TCF12: variants seen among roughly 807,000 people sequenced by gnomAD.
TCF12 encodes DNA-binding protein HTF4.
TCF12 carries 45 observed loss-of-function variants against 86.0 expected under a neutral mutation model. The ratio of observed to expected loss-of-function variants is 0.52; its 90% CI spans 0.41 to 0.67. The LOEUF (loss-of-function observed/expected upper bound fraction) is 0.67. Among genes scored for constraint, TCF12 ranks in the 30% least tolerant of loss-of-function variants. TCF12 has a pLI of 0.00. For missense variants in TCF12, 881 were observed against 859.9 expected (o/e 1.02, Z -0.31); for synonymous variants, 330 against 299.6 (o/e 1.10, Z -1.05).
rs185841227 is a variant in TCF12 at position 57,244,759 on chromosome 15, C to T, written c.1114+1209C>T. Among the ~76,000 whole-genome samples, 47 of 152,100 alleles carry T rather than the reference C, an allele frequency of 3.1e-4. 1 individual carries two copies. Among genetic ancestry groups the T allele is most frequent in the Admixed American group, 1.1e-3 (17 of 15,278 alleles). ...GATTACAGGCGTGACCCACTGCGCC[C>T]GGCCCACATGTTTTTTTTTTCTTAA... On this transcript the variant is annotated intron_variant, in intron 13 of 20. Coordinates refer to ENST00000333725, the MANE Select transcript of TCF12 (RefSeq NM_207037.2).
intron 3 of TCF12, among the ~76,000 whole-genome samples, chr15:57,062,297 A>C (rs912851062): frequency 1.3e-5 from 2 of 152,014 alleles, no homozygotes; most frequent in Non-Finnish European, 2.9e-5. Context: ...AACTCATAGA[A>C]TATCTCTTAA....
chr15:57,073,709 G>A (rs2069615401), intron 4 of TCF12, among the ~76,000 whole-genome samples: 1 of 152,084 alleles, frequency 6.6e-6, no homozygotes, highest in African/African-American at 2.4e-5. Flanking sequence ...ATTTCTACTT[G>A]TGCAGGACTT....
chr15:56,975,637 T>TTTTTG (rs1555462794), intron 3 of TCF12, among the ~76,000 whole-genome samples: 53 of 151,710 alleles, frequency 3.5e-4, no homozygotes, highest in African/African-American at 1.3e-3. Context: ...TAGGGGTTTT[T>TTTTTG]TTTGTTTGTT....
rs1236322985 is a variant in TCF12 at position 57,288,033 on chromosome 15, T to C, written c.*1888T>C. 6.6e-6 allele frequency: 1 copy of C among 152,646 alleles called. No homozygotes were observed. The highest frequency in any genetic ancestry group is 1.5e-5 in the Non-Finnish European group (1 of 68,038). The allele number at this position is 152,646 out of a possible 1,614,324, so 9.5% of individuals were successfully genotyped here. On this transcript the variant is annotated 3_prime_UTR_variant, in exon 21 of 21. Transcript: ENST00000333725. ...TCATAAAATAGAAAGAAAAAAACATTTGGCTTATTTTTCACTGTAGCTAGT... is the reference window on the plus strand; with the variant it reads ...TCATAAAATAGAAAGAAAAAAACATCTGGCTTATTTTTCACTGTAGCTAGT...
At chr15:56,932,156 T>C (rs867273583) in intron 3 of TCF12, among the ~76,000 whole-genome samples, 3 of 152,158 alleles carry the variant, frequency 2.0e-5, no homozygotes, top group African/African-American at 7.2e-5. Context: ...CACTGAATGA[T>C]TGGGAGAAGG....
intron 3 of TCF12, among the ~76,000 whole-genome samples, chr15:56,976,820 G>A (rs1379052546): frequency 6.6e-6 from 1 of 152,160 alleles, no homozygotes; most frequent in African/African-American, 2.4e-5. Flanking sequence ...CAACTTTGCT[G>A]TTAGTAGCAA....
chr15:56,923,244 T>C (rs1269002935), intron 3 of TCF12, among the ~76,000 whole-genome samples: 2 of 152,108 alleles, frequency 1.3e-5, no homozygotes, highest in African/African-American at 4.8e-5. Flanking sequence ...CGATATATAA[T>C]ACTTTCAGAA....
intron 4 of TCF12, among the ~76,000 whole-genome samples, chr15:57,084,842 T>C (rs1421984387): frequency 6.6e-6 from 1 of 152,108 alleles, no homozygotes; most frequent in Non-Finnish European, 1.5e-5. Context: ...TACATTAATG[T>C]GAATGTAATC....
intron 3 of TCF12, among the ~76,000 whole-genome samples, chr15:57,011,110 A>T (rs574289455): frequency 2.4e-4 from 36 of 152,230 alleles, no homozygotes; most frequent in South Asian, 2.3e-3. Flanking sequence ...ATCATTTTTT[A>T]AAAAAATTAA....
At chr15:56,936,438 T>G (rs929701725) in intron 3 of TCF12, among the ~76,000 whole-genome samples, 1 of 152,190 alleles carries the variant, frequency 6.6e-6, no homozygotes, top group Non-Finnish European at 1.5e-5. Context: ...GTTGTCTGTT[T>G]ACTCTGCTAA....
At chr15:57,021,772 C>A (rs978028139) in intron 3 of TCF12, among the ~76,000 whole-genome samples, 2 of 151,102 alleles carry the variant, frequency 1.3e-5, no homozygotes, top group Non-Finnish European at 2.9e-5. Context: ...AAGCGTGAAT[C>A]GAAAATACAG....
intron 7 of TCF12, among the ~76,000 whole-genome samples, chr15:57,193,912 A>G (rs183175369): frequency 2.6e-3 from 395 of 152,322 alleles, no homozygotes; most frequent in Non-Finnish European, 4.8e-3. Context: ...TTTTGTTATT[A>G]AAGAAAGGAT....
At chr15:57,035,102 T>A (rs2066424075) in intron 3 of TCF12, among the ~76,000 whole-genome samples, 1 of 152,228 alleles carries the variant, frequency 6.6e-6, no homozygotes, top group African/African-American at 2.4e-5. Flanking sequence ...TGAATTCTTT[T>A]ATTCTTACAA....
intron 3 of TCF12, among the ~76,000 whole-genome samples, chr15:56,933,742 G>A (rs1474851155): frequency 1.3e-5 from 2 of 152,080 alleles, no homozygotes; most frequent in African/African-American, 4.8e-5. Context: ...AGTCTTGAAA[G>A]GGATTCCAAG....
At chr15:56,974,724 A>G (rs935338551) in intron 3 of TCF12, among the ~76,000 whole-genome samples, 8 of 152,096 alleles carry the variant, frequency 5.3e-5, no homozygotes, top group Admixed American at 4.6e-4. Context: ...ACTGGTCTGT[A>G]GTTGAAAAAG....
intron 3 of TCF12, among the ~76,000 whole-genome samples, chr15:57,018,369 T>C (rs901623465): frequency 4.6e-5 from 7 of 152,340 alleles, no homozygotes; most frequent in Admixed American, 2.0e-4. Flanking sequence ...TAGCAAGCAG[T>C]TTCAACAGAT....
At chr15:57,089,271 G>C (rs574750196) in intron 4 of TCF12, among the ~76,000 whole-genome samples, 1 of 152,262 alleles carries the variant, frequency 6.6e-6, no homozygotes, top group South Asian at 2.1e-4. Flanking sequence ...TTAAATCAGA[G>C]AAATTGTGCC....
At chr15:57,075,368 T>G (rs1339471078) in intron 4 of TCF12, among the ~76,000 whole-genome samples, 2 of 152,226 alleles carry the variant, frequency 1.3e-5, no homozygotes, top group African/African-American at 4.8e-5. Context: ...ATCTTTATGT[T>G]GTTAACATGG....
chr15:57,209,600 AC>A (rs1385471907), intron 8 of TCF12, among the ~76,000 whole-genome samples: 3 of 152,130 alleles, frequency 2.0e-5, no homozygotes, highest in Non-Finnish European at 4.4e-5. Context: ...CTTTGTCTAA[AC>A]CACCTTTACC....
Sources: allele counts gnomAD v4.1 joint callset (sites outside exome capture counted in the v4.1 genomes callset), GRCh38; gene constraint gnomAD v4.1.1; transcripts MANE v1.5; gene names NCBI Gene and HGNC (gene_info 2026-07-23, HGNC 2026-07-21).